Variants in GPR141 observed in about 807,000 individuals in gnomAD.
GPR141 encodes G protein-coupled receptor 141, also known as probable G protein-coupled receptor 141.
A neutral mutation model predicts 6.8 loss-of-function variants in GPR141; 6 were observed. The ratio of observed to expected loss-of-function variants is 0.88; its 90% CI spans 0.48 to 1.74. The LOEUF is 1.74. Among genes scored for constraint, GPR141 ranks in the 40% most tolerant of loss-of-function variants. The probability of loss-of-function intolerance (pLI) is 0.01; values close to 1 mark genes in which losing one functional copy is unlikely to be tolerated. For missense variants in GPR141, 372 were observed against 372.9 expected, an observed-to-expected ratio of 1.00 and a Z score of 0.02; for synonymous variants, 140 against 142.3, an observed-to-expected ratio of 0.98 and a Z score of 0.11.
intron 2 of GPR141, among the ~76,000 whole-genome samples, chr7:37,688,502 G>A (rs1001621815): frequency 1.3e-5 from 2 of 152,144 alleles, no homozygotes; most frequent in Non-Finnish European, 1.5e-5. Context: ...CTGACAGTTA[G>A]AGAATGCCTT....
chr7:37,719,120 C>T (rs922887838), intron 2 of GPR141, among the ~76,000 whole-genome samples: 1 of 152,112 alleles, frequency 6.6e-6, no homozygotes, highest in African/African-American at 2.4e-5. Context: ...TTAAAAATGT[C>T]CACACAGTTC....
At chr7:37,725,442 C>A (rs538540382) in intron 2 of GPR141, among the ~76,000 whole-genome samples, 23 of 152,276 alleles carry the variant, frequency 1.5e-4, no homozygotes, top group African/African-American at 4.6e-4. Context: ...GTTCCTGGCA[C>A]GGCATCCTCC....
At chr7:37,694,205 G>T (rs1280997738) in intron 2 of GPR141, among the ~76,000 whole-genome samples, 1 of 152,234 alleles carries the variant, frequency 6.6e-6, no homozygotes, top group African/African-American at 2.4e-5. Flanking sequence ...GTAACTGGAA[G>T]GGATGAGAAG....
intron 2 of GPR141, among the ~76,000 whole-genome samples, chr7:37,713,060 A>T (rs991768174): frequency 6.6e-6 from 1 of 152,250 alleles, no homozygotes; most frequent in Non-Finnish European, 1.5e-5. Flanking sequence ...AAGCTAGCAC[A>T]TTGTGACTTC....
intron 2 of GPR141, among the ~76,000 whole-genome samples, chr7:37,706,850 A>G (rs995090542): frequency 1.3e-5 from 2 of 152,182 alleles, no homozygotes; most frequent in Non-Finnish European, 2.9e-5. Context: ...GTAATGATTG[A>G]CCAGAGACCC....
At chr7:37,725,972 T>C (rs891706461) in intron 2 of GPR141, among the ~76,000 whole-genome samples, 1 of 152,200 alleles carries the variant, frequency 6.6e-6, no homozygotes, top group Non-Finnish European at 1.5e-5. Context: ...AGAAGTTATA[T>C]TCATTTTTAT....
At chr7:37,703,119 C>T (rs1405741361) in intron 2 of GPR141, among the ~76,000 whole-genome samples, 1 of 152,118 alleles carries the variant, frequency 6.6e-6, no homozygotes, top group African/African-American at 2.4e-5. Flanking sequence ...ATTTTGCTCA[C>T]ATTCTTCAAA....
intron 2 of GPR141, among the ~76,000 whole-genome samples, chr7:37,707,315 G>A (rs1015423890): frequency 6.6e-6 from 1 of 152,122 alleles, no homozygotes; most frequent in Non-Finnish European, 1.5e-5. Flanking sequence ...GCTTAGAGAG[G>A]TCAAACAACT....
At position 37,743,809 on chromosome 7, in the gene GPR141, A is replaced by G. The variant is rs1812684809; in HGVS notation, c.*2498A>G. On this transcript the variant is annotated 3_prime_UTR_variant, in exon 3 of 3. Transcript: ENST00000334425. ...AATATAAAATATCTTTTTCATCAGT[A>G]TTTATGGAATAAATAGAAAAATTTT... 6.6e-6 allele frequency among the ~76,000 whole-genome samples: 1 copy of G among 152,194 alleles called. No individual in the cohort carries two copies. Among genetic ancestry groups the G allele is most frequent in the Non-Finnish European group, 1.5e-5 (1 of 68,026 alleles).
chr7:37,696,977 A>G (rs1018359011), intron 2 of GPR141, among the ~76,000 whole-genome samples: 4 of 152,174 alleles, frequency 2.6e-5, no homozygotes, highest in Non-Finnish European at 4.4e-5. Context: ...TTATAATACC[A>G]TAGATAGATA....
At chr7:37,739,067 CA>C (rs1259910323) in intron 2 of GPR141, among the ~76,000 whole-genome samples, 1 of 152,088 alleles carries the variant, frequency 6.6e-6, no homozygotes, top group Non-Finnish European at 1.5e-5. Flanking sequence ...TTTCACACCT[CA>C]AAATGTTTTG....
At chr7:37,730,759 C>T (rs1022445878) in intron 2 of GPR141, among the ~76,000 whole-genome samples, 2 of 152,250 alleles carry the variant, frequency 1.3e-5, no homozygotes, top group African/African-American at 2.4e-5. Flanking sequence ...CTTGGCTTTC[C>T]CACAGTCTCA....
At chr7:37,720,337 G>T (rs2131814604) in intron 2 of GPR141, among the ~76,000 whole-genome samples, 1 of 152,322 alleles carries the variant, frequency 6.6e-6, no homozygotes, top group Non-Finnish European at 1.5e-5. Context: ...GCCCACCTTG[G>T]GCTAGGTCTT....
chr7:37,728,480 T>C (rs1391482892), intron 2 of GPR141, among the ~76,000 whole-genome samples: 1 of 152,208 alleles, frequency 6.6e-6, no homozygotes, highest in Non-Finnish European at 1.5e-5. Flanking sequence ...TATTTAATGT[T>C]ATTTTTCAGG....
chr7:37,685,751 A>G (rs6958154), intron 2 of GPR141, among the ~76,000 whole-genome samples, 168 bp downstream of exon 2: 60,841 of 138,266 alleles, frequency 0.44, 13,338 homozygotes, highest in African/African-American at 0.57. Flanking sequence ...GCCTGGCAGC[A>G]CTTTTTTTTT....
At chr7:37,701,267 T>C (rs1810268346) in intron 2 of GPR141, among the ~76,000 whole-genome samples, 1 of 152,178 alleles carries the variant, frequency 6.6e-6, no homozygotes, top group Non-Finnish European at 1.5e-5. Flanking sequence ...TTTACGAAAA[T>C]AGTAATAACT....
intron 2 of GPR141, among the ~76,000 whole-genome samples, chr7:37,699,773 T>TA (rs1583530290): frequency 2.0e-5 from 3 of 152,362 alleles, no homozygotes; most frequent in African/African-American, 7.2e-5. Context: ...GTAATAAATA[T>TA]AAATATGAGC....
chr7:37,696,490 C>T (rs1303561574), intron 2 of GPR141, among the ~76,000 whole-genome samples: 3 of 152,048 alleles, frequency 2.0e-5, no homozygotes, highest in Non-Finnish European at 4.4e-5. Context: ...TTGTCAATTC[C>T]CTTCTTTGGA....
At chr7:37,711,860 T>C (rs1239331943) in intron 2 of GPR141, among the ~76,000 whole-genome samples, 2 of 152,238 alleles carry the variant, frequency 1.3e-5, no homozygotes, top group Admixed American at 1.3e-4. Flanking sequence ...AAGAGTACAC[T>C]GATTCGCTCG....
Sources: gnomAD v4.1 joint callset for allele counts (sites outside exome capture counted in the v4.1 genomes callset) on GRCh38, gnomAD v4.1.1 for gene constraint, MANE v1.5 for transcripts, NCBI Gene and HGNC (gene_info 2026-07-23, HGNC 2026-07-21) for gene names.